The following SERINC5 variants were observed in gnomAD, a reference collection of about 807,000 sequenced individuals.
SERINC5 encodes chromosome 5 open reading frame 12.
SERINC5 carries 41 observed loss-of-function variants against 63.1 expected under a neutral mutation model. The observed-to-expected ratio is 0.65, with a 90% CI of 0.51 to 0.84. The LOEUF (loss-of-function observed/expected upper bound fraction) is 0.84, where lower values mean the gene tolerates loss of function less well. Among genes scored for constraint, SERINC5 ranks in the 40% least tolerant of loss-of-function variants. The probability of loss-of-function intolerance (pLI) is 0.00; values close to 1 mark genes in which losing one functional copy is unlikely to be tolerated. For synonymous variants in SERINC5, 222 were observed against 215.2 expected (o/e 1.03, Z -0.28); for missense variants, 523 against 573.0 (o/e 0.91, Z 0.89).
At chr5:80,134,860 T>G (rs1276241751), downstream of SERINC5, among the ~76,000 whole-genome samples, 2 of 152,222 alleles carry the variant, frequency 1.3e-5, no homozygotes, top group African/African-American at 4.8e-5. Context: ...GAGCGTATCT[T>G]AAAAAGATTG....
At chr5:80,123,334 T>C (rs1744620375) in intron 11 of SERINC5, among the ~76,000 whole-genome samples, 1 of 152,184 alleles carries the variant, frequency 6.6e-6, no homozygotes, top group African/African-American at 2.4e-5. Flanking sequence ...CTCAAACTCC[T>C]GGCTTGAAGA....
At chr5:80,175,143 T>C (rs763552093) in intron 4 of SERINC5, 96 bp from the exon 5 acceptor site, 1 of 704,404 alleles carries the variant, frequency 1.4e-6, no homozygotes, top group Non-Finnish European at 2.4e-6. Flanking sequence ...ATGATCAGTG[T>C]ACCTAACATA....
chr5:80,156,470 G>A (rs750298675), intron 8 of SERINC5, among the ~76,000 whole-genome samples: 12 of 152,144 alleles, frequency 7.9e-5, no homozygotes, highest in South Asian at 2.1e-4. Context: ...CATGGACCCC[G>A]GGGGAACTAA....
intron 11 of SERINC5, chr5:80,128,791 T>C (rs1006391436): frequency 6.6e-6 from 1 of 152,236 alleles, no homozygotes; most frequent in Admixed American, 6.5e-5. Context: ...GCCTCCAGAA[T>C]GGATTAGAGT....
Position 80,138,947 on chromosome 5 carries a change from T to C in SERINC5, c.*4716A>G, listed in dbSNP as rs1745342750. The stretch of plus-strand genomic sequence containing the variant: ...GAGTTAACAAGTTTTGAGTTTTTTA[T>C]ATAGGAAAAGCCTAGTCAATTCAGA... On this transcript the variant is annotated 3_prime_UTR_variant, in exon 12 of 12. Coordinates refer to ENST00000507668, the MANE Select transcript of SERINC5 (RefSeq NM_001174072.3). 7.2e-6 allele frequency: 7 copies of C among 974,536 alleles called. No individual in the cohort carries two copies. Among genetic ancestry groups the C allele is most frequent in the South Asian group, 4.7e-5 (1 of 21,060 alleles). The allele number at this position is 974,536 out of a possible 1,614,324, so 60.4% of individuals were successfully genotyped here. A position where few individuals can be genotyped will look rare whatever the true frequency, so the allele number is the denominator to read the frequency against.
rs774411356 is a variant in SERINC5 at position 80,141,454 on chromosome 5, C to A, written c.*2209G>T. 6 of 981,224 alleles carry A rather than the reference C, an allele frequency of 6.1e-6. No individual in the cohort carries two copies. Among genetic ancestry groups the A allele is most frequent in the Non-Finnish European group, 6.0e-6 (5 of 829,990 alleles). The allele number at this position is 981,224 out of a possible 1,614,324, so 60.8% of individuals were successfully genotyped here. Reference sequence around the variant, plus strand: ...CCTTGTCAGCTGGACCTTGACTGCGCGTAAGGTCAGTTTCTCAAATCACAC... The same window carrying A: ...CCTTGTCAGCTGGACCTTGACTGCGAGTAAGGTCAGTTTCTCAAATCACAC... On this transcript the variant is annotated 3_prime_UTR_variant, in exon 12 of 12. Transcript: ENST00000507668.
At chr5:80,137,154 A>AAC (rs932667827), downstream of SERINC5, among the ~76,000 whole-genome samples, 4 of 115,344 alleles carry the variant, frequency 3.5e-5, no homozygotes, top group African/African-American at 9.2e-5. Context: ...AAAAAAAAAA[A>AAC]AAAAAAAAAC....
At chr5:80,187,712 G>A (rs1040140721) in intron 2 of SERINC5, among the ~76,000 whole-genome samples, 18 of 152,114 alleles carry the variant, frequency 1.2e-4, no homozygotes, top group African/African-American at 4.3e-4. Flanking sequence ...ATTATTAAAA[G>A]CCAAAAGATG....
intron 1 of SERINC5, among the ~76,000 whole-genome samples, chr5:80,253,570 G>A (rs1411407688): frequency 6.6e-6 from 1 of 152,070 alleles, no homozygotes; most frequent in Non-Finnish European, 1.5e-5. Flanking sequence ...GCAGCTGACA[G>A]GTTCTGGCCA....
intron 2 of SERINC5, among the ~76,000 whole-genome samples, chr5:80,179,150 T>C (rs572714747): frequency 5.9e-5 from 9 of 151,998 alleles, no homozygotes; most frequent in Non-Finnish European, 1.2e-4. Flanking sequence ...AATACAATAA[T>C]GAGCCCGGTG....
chr5:80,225,392 C>T (rs1289381271), intron 1 of SERINC5, among the ~76,000 whole-genome samples: 3 of 152,154 alleles, frequency 2.0e-5, no homozygotes, highest in Admixed American at 2.0e-4. Flanking sequence ...GTTTGCAATA[C>T]TTTATAATGT....
chr5:80,131,522 C>G (rs1041901825), intron 11 of SERINC5, among the ~76,000 whole-genome samples: 2 of 148,982 alleles, frequency 1.3e-5, no homozygotes, highest in Admixed American at 6.7e-5. Context: ...AGAGAGCCTG[C>G]GGGGGAGAGG....
At chr5:80,185,598 G>C (rs1340504787) in intron 2 of SERINC5, among the ~76,000 whole-genome samples, 1 of 152,138 alleles carries the variant, frequency 6.6e-6, no homozygotes, top group African/African-American at 2.4e-5. Flanking sequence ...AGTCCGAAAA[G>C]AGAGTCAGCA....
At chr5:80,202,837 C>T in intron 2 of SERINC5, 49 bp downstream of exon 2, 2 of 1,554,398 alleles carry the variant, frequency 1.3e-6, no homozygotes, top group East Asian at 2.3e-5. Context: ...TTCCCACACA[C>T]CCTCATCAAA....
intron 1 of SERINC5, among the ~76,000 whole-genome samples, chr5:80,209,009 G>C (rs540844990): frequency 6.6e-6 from 1 of 152,282 alleles, no homozygotes; most frequent in Admixed American, 6.5e-5. Flanking sequence ...GGTGGATCAC[G>C]CATGTAATCC....
intron 1 of SERINC5, among the ~76,000 whole-genome samples, chr5:80,243,858 AAAG>A (rs1240310297): frequency 6.6e-6 from 1 of 151,884 alleles, no homozygotes; most frequent in Admixed American, 6.6e-5. Flanking sequence ...AGAATTTTTC[AAAG>A]AACTGAATCC....
intron 7 of SERINC5, among the ~76,000 whole-genome samples, chr5:80,160,968 ATATATG>A (rs1746851745): frequency 1.3e-5 from 2 of 149,456 alleles, no homozygotes; most frequent in Admixed American, 6.7e-5. Flanking sequence ...GTGTGTGTAT[ATATATG>A]TATATATGTG....
chr5:80,169,639 G>T, intron 5 of SERINC5, 93 bp from the exon 6 acceptor site: 2 of 954,484 alleles, frequency 2.1e-6, no homozygotes, highest in East Asian at 2.6e-5. Context: ...CCCTCAGGCA[G>T]TAACTAATGC....
intron 1 of SERINC5, among the ~76,000 whole-genome samples, chr5:80,220,687 C>CCT (rs951523640): frequency 2.0e-5 from 3 of 152,078 alleles, no homozygotes; most frequent in African/African-American, 7.2e-5. Flanking sequence ...GAGGTAGGCG[C>CCT]CTCTGAGTCA....
Sources: allele counts gnomAD v4.1 joint callset (sites outside exome capture counted in the v4.1 genomes callset), GRCh38; gene constraint gnomAD v4.1.1; transcripts MANE v1.5; gene names NCBI Gene and HGNC (gene_info 2026-07-23, HGNC 2026-07-21).